The following GRSF1 variants were observed in gnomAD, a reference collection of about 807,000 sequenced individuals.
The protein encoded by GRSF1 is G-rich sequence factor 1.
GRSF1 carries 50 observed loss-of-function variants against 51.1 expected under a neutral mutation model. That is an observed-to-expected ratio of 0.98 (90% CI 0.78 to 1.24). GRSF1 has a LOEUF of 1.24. GRSF1 is among the 50% of genes most tolerant of loss of function. The pLI is 0.00. For synonymous variants in GRSF1, 293 were observed against 253.3 expected (o/e 1.16, Z -1.49); for missense variants, 700 against 639.7 (o/e 1.09, Z -1.02).
Position 70,827,874 on chromosome 4 carries a change from A to G in GRSF1, c.1113T>C (p.Ala371=). Residue 371 remains alanine (A), a synonymous_variant, in exon 6 of 10, where the codon GCT becomes GCC. Transcript: ENST00000254799. ...EVNEDIQPMT[A]FESEKEIELP... is the part of the protein sequence containing the mutation. The stretch of plus-strand genomic sequence containing the variant: ...TACCTATTTCCTTCTCACTTTCAAA[A>G]GCTGTCATGGGTTGAATATCCTCAT... 5.6e-6 allele frequency: 9 copies of G among 1,611,784 alleles called. No individual in the cohort carries two copies. The highest frequency in any genetic ancestry group is 7.6e-6 in the Non-Finnish European group (9 of 1,178,778).
intron 4 of GRSF1, 60 bp downstream of exon 4, chr4:70,832,247 G>A (rs903156402): frequency 8.2e-6 from 12 of 1,454,940 alleles, no homozygotes; most frequent in African/African-American, 1.4e-5. Context: ...CTAAGATATA[G>A]AAGGAGATAC....
chr4:70,833,403 A>G, intron 2 of GRSF1, 130 bp from the exon 3 acceptor site: 1 of 731,846 alleles, frequency 1.4e-6, no homozygotes, highest in Non-Finnish European at 2.2e-6. Context: ...ACAAATCCCC[A>G]TCACTGAAGT....
upstream of GRSF1, among the ~76,000 whole-genome samples, chr4:70,840,253 G>A (rs1734419119): frequency 6.6e-6 from 1 of 152,136 alleles, no homozygotes; most frequent in Admixed American, 6.5e-5. Context: ...TTTGGGCGGG[G>A]CCCGGGGAAG....
chr4:70,833,090 C>A (rs1734053061), intron 3 of GRSF1, 28 bp downstream of exon 3: 6 of 1,600,076 alleles, frequency 3.7e-6, no homozygotes, highest in Non-Finnish European at 5.1e-6. Flanking sequence ...GCAATGATCC[C>A]AAAAAGCCAT....
chr4:70,829,629 G>A (rs1463625090), intron 5 of GRSF1, among the ~76,000 whole-genome samples: 2 of 152,054 alleles, frequency 1.3e-5, no homozygotes, highest in African/African-American at 4.8e-5. Context: ...CTCCAGCGAG[G>A]GTAACAGAAT....
chr4:70,837,318 A>G (rs1346882506), intron 1 of GRSF1, among the ~76,000 whole-genome samples: 1 of 151,812 alleles, frequency 6.6e-6, no homozygotes. Context: ...TAATCCCAGC[A>G]CCTTGGGAGG....
chr4:70,830,291 T>C (rs912676067), intron 5 of GRSF1, among the ~76,000 whole-genome samples: 5 of 151,802 alleles, frequency 3.3e-5, no homozygotes, highest in Non-Finnish European at 5.9e-5. Flanking sequence ...CACACACACA[T>C]ACACACAGCC....
At position 70,817,109 on chromosome 4, in the gene GRSF1, A is replaced by C. The variant is rs957308828; in HGVS notation, c.*3778T>G. 2 of 152,236 alleles carry C rather than the reference A, an allele frequency of 1.3e-5. No individual in the cohort carries two copies. The highest frequency in any genetic ancestry group is 4.8e-5 in the African/African-American group (2 of 41,472). 9.4% of individuals were successfully genotyped at this position (152,236 alleles called of 1,614,324 possible). ...ACAGGGCTGTGCGAGAATAGAAACT[A>C]AACAGCTGAATTACAGGAGGGGAAG... On this transcript the variant is annotated 3_prime_UTR_variant, in exon 10 of 10. Transcript: ENST00000254799.
At chr4:70,823,976 C>CTTTT (rs35338829) in intron 9 of GRSF1, among the ~76,000 whole-genome samples, 79 of 131,324 alleles carry the variant, frequency 6.0e-4, no homozygotes, top group African/African-American at 1.8e-3. Flanking sequence ...GTATCTCTCT[C>CTTTT]TTTTTTTTTT....
intron 5 of GRSF1, among the ~76,000 whole-genome samples, chr4:70,831,080 G>A (rs888494406): frequency 1.7e-4 from 26 of 152,172 alleles, no homozygotes; most frequent in African/African-American, 6.3e-4. Context: ...CAGTCAAGCC[G>A]GATGCGGTGG....
intron 8 of GRSF1, 114 bp from the exon 9 acceptor site, chr4:70,824,482 A>C (rs1733654085): frequency 9.6e-6 from 6 of 623,296 alleles, no homozygotes; most frequent in Non-Finnish European, 1.7e-5. Flanking sequence ...TCCTTTCCCT[A>C]ATTAAAAACA....
In GRSF1 at chr4:70,831,454, A is replaced by G. The variant is rs536085343; in HGVS notation, c.950+85T>C. On this transcript the variant is annotated intron_variant, in intron 5 of 9. Transcript: ENST00000254799. ...ACTCTCTCTACTTTTCTATGTTTGG[A>G]TAACTTTTCAGTCATATTACAGCAC... 15 of 1,210,008 alleles carry G rather than the reference A, an allele frequency of 1.2e-5. No individual in the cohort carries two copies. In the South Asian group the frequency reaches 1.4e-4, roughly 11 times the overall value. 75.0% of individuals were successfully genotyped at this position (1,210,008 alleles called of 1,614,324 possible). A position where few individuals can be genotyped will look rare whatever the true frequency, so the allele number is the denominator to read the frequency against.
Position 70,839,774 on chromosome 4 carries a change from G to A in GRSF1, c.54C>T (p.Asn18=). 4 of 1,506,826 alleles carry A rather than the reference G, an allele frequency of 2.7e-6. No individual in the cohort carries two copies. Among genetic ancestry groups the A allele is most frequent in the Non-Finnish European group, 3.5e-6 (4 of 1,134,880 alleles). 93.3% of individuals were successfully genotyped at this position (1,506,826 alleles called of 1,614,324 possible). The part of the protein sequence containing the change: ...LGALLRGCGC[N]CSSCRRTGAA... ...CGCCGGTGCGCCGGCAGCTGCTGCA[G>A]TTACAGCCGCAGCCCCGGAGCAGCG... is the stretch of plus-strand genomic sequence containing the variant. The change falls in exon 1 of 10, where the codon AAC becomes AAT. Residue 18 remains asparagine (N), a synonymous_variant. Transcript: ENST00000254799.
intron 2 of GRSF1, 48 bp downstream of exon 2, chr4:70,836,110 A>T: frequency 1.1e-5 from 13 of 1,137,154 alleles, no homozygotes; most frequent in Non-Finnish European, 1.4e-5. Context: ...CTTGTGAGAA[A>T]CAATATAAGG....
intron 1 of GRSF1, chr4:70,838,838 C>T (rs1199758040): frequency 9.5e-6 from 2 of 210,696 alleles, no homozygotes; most frequent in Admixed American, 1.2e-4. Context: ...AACTGCTTTC[C>T]CAGACGAGGC....
At chr4:70,837,563 C>CA (rs11419852) in intron 1 of GRSF1, among the ~76,000 whole-genome samples, 70,504 of 89,084 alleles carry the variant, frequency 0.79, 28,660 homozygotes, top group East Asian at 0.91. Flanking sequence ...GACTCCGTCT[C>CA]AAAAAAAAAA....
rs558998590 is a variant in GRSF1, at chr4:70,836,876, C to T, written c.358-562G>A. On this transcript the variant is annotated intron_variant, in intron 1 of 9. Coordinates refer to ENST00000254799, the MANE Select transcript of GRSF1 (RefSeq NM_002092.4). ...TTGAAGGCGAGAGAAAGAAGCAGTA[C>T]GACCAAATGCCCATTTGAATAACAG... Among the ~76,000 whole-genome samples the T allele has an allele frequency of 7.9e-5, 12 of 152,244 alleles. No individual in the cohort carries two copies. In the East Asian group the frequency reaches 2.1e-3, roughly 27 times the overall value.
chr4:70,840,602 A>G (rs1308822834), upstream of GRSF1, among the ~76,000 whole-genome samples: 3 of 152,150 alleles, frequency 2.0e-5, no homozygotes, highest in Non-Finnish European at 4.4e-5. Flanking sequence ...GTCTCTACTA[A>G]AAACACAAAA....
chr4:70,819,150 C>T lies in GRSF1; in HGVS notation c.*1737G>A, dbSNP rs1733414594. 1 of 152,166 alleles carries T rather than the reference C, an allele frequency of 6.6e-6. No homozygotes were observed. The highest frequency in any genetic ancestry group is 1.5e-5 in the Non-Finnish European group (1 of 68,026). 9.4% of individuals were successfully genotyped at this position (152,166 alleles called of 1,614,324 possible). A position where few individuals can be genotyped will look rare whatever the true frequency, so the allele number is the denominator to read the frequency against. Reference sequence around the variant, plus strand: ...ATATAGCATTTTAATGCTTTGCTTGCATTCTTTTTCCAGAGATGTGCAAAT... The same window carrying T: ...ATATAGCATTTTAATGCTTTGCTTGTATTCTTTTTCCAGAGATGTGCAAAT... On this transcript the variant is annotated 3_prime_UTR_variant, in exon 10 of 10. Transcript: ENST00000254799.
Sources: gnomAD v4.1 joint callset for allele counts (sites outside exome capture counted in the v4.1 genomes callset) on GRCh38, gnomAD v4.1.1 for gene constraint, MANE v1.5 for transcripts, NCBI Gene and HGNC (gene_info 2026-07-23, HGNC 2026-07-21) for gene names.